The following SPOCK1 variants were observed in gnomAD, a reference collection of about 807,000 sequenced individuals.
SPOCK1 encodes SPARC (osteonectin), cwcv and kazal like domains proteoglycan 1.
SPOCK1 carries 23 observed loss-of-function variants against 55.3 expected under a neutral mutation model. The ratio of observed to expected loss-of-function variants is 0.42; its 90% CI spans 0.30 to 0.59. SPOCK1 has a LOEUF of 0.59. SPOCK1 is among the 20% of genes least tolerant of loss of function. SPOCK1 has a pLI of 0.22. For missense variants in SPOCK1, 499 were observed against 552.5 expected, an observed-to-expected ratio of 0.90 and a Z score of 0.97; for synonymous variants, 226 against 221.0, an observed-to-expected ratio of 1.02 and a Z score of -0.20.
rs181850634 is a variant in SPOCK1, at chr5:137,382,598, A to G, written c.187-115543T>C. 1.1e-4 allele frequency among the ~76,000 whole-genome samples: 17 copies of G among 152,292 alleles called. No homozygotes were observed. In the East Asian group the frequency reaches 2.7e-3, roughly 24 times the overall value. On this transcript the variant is annotated intron_variant, in intron 2 of 10. Transcript: ENST00000394945. ...GGCAGAAGGTGAAGGGGAAGCAAGG[A>G]CCTTCTTCACATGGTAGCAGGAGAG...
rs1416811950 is a variant in SPOCK1, at chr5:136,978,702, A to T, written c.1272T>A (p.Asp424Glu). 1.9e-6 allele frequency: 3 copies of T among 1,613,702 alleles called. No individual in the cohort carries two copies. Among genetic ancestry groups the T allele is most frequent in the East Asian group, 2.2e-5 (1 of 44,858 alleles). ...CCTCTTTGTCATCATCCTCATCCTC[A>T]TCATCCTCTGTCACGGCTCGGGTGT... Reference protein sequence around the residue: ...RVHTRAVTEDDEDEDDDKEDE... With the variant: ...RVHTRAVTEDEEDEDDDKEDE... Residue 424 changes from aspartate to glutamate, a missense_variant, in exon 11 of 11, where the codon GAT (aspartate) becomes GAA (glutamate). Asp to Glu is a conservative substitution (Grantham distance 45). Coordinates refer to ENST00000394945, the MANE Select transcript of SPOCK1 (RefSeq NM_004598.4).
intron 3 of SPOCK1, among the ~76,000 whole-genome samples, chr5:137,198,385 C>T (rs1325689560): frequency 2.6e-5 from 4 of 152,284 alleles, no homozygotes; most frequent in South Asian, 2.1e-4. Flanking sequence ...TAACTGCTTT[C>T]CAGAATTTAT....
intron 3 of SPOCK1, among the ~76,000 whole-genome samples, chr5:137,242,903 C>T (rs1041580016): frequency 6.6e-6 from 1 of 152,246 alleles, no homozygotes; most frequent in African/African-American, 2.4e-5. Flanking sequence ...TATACAAATG[C>T]TAACTAATGT....
intron 2 of SPOCK1, among the ~76,000 whole-genome samples, chr5:137,427,217 C>T (rs958138815): frequency 6.6e-6 from 1 of 152,180 alleles, no homozygotes; most frequent in African/African-American, 2.4e-5. Context: ...CACTGAGGTG[C>T]TGGGATTTCT....
chr5:137,301,221 T>C (rs1196391694), intron 2 of SPOCK1, among the ~76,000 whole-genome samples: 1 of 152,214 alleles, frequency 6.6e-6, no homozygotes, highest in African/African-American at 2.4e-5. Context: ...GGAATGCCTC[T>C]GCTATACTCA....
intron 6 of SPOCK1, among the ~76,000 whole-genome samples, chr5:137,042,827 T>C (rs1458819184): frequency 6.6e-6 from 1 of 152,086 alleles, no homozygotes; most frequent in African/African-American, 2.4e-5. Context: ...ACATATAGAA[T>C]AATTTATAAA....
At chr5:137,366,945 T>G (rs1751084496) in intron 2 of SPOCK1, among the ~76,000 whole-genome samples, 1 of 152,204 alleles carries the variant, frequency 6.6e-6, no homozygotes, top group African/African-American at 2.4e-5. Flanking sequence ...GTTGCAATTT[T>G]TAAATACAAG....
intron 2 of SPOCK1, among the ~76,000 whole-genome samples, chr5:137,424,608 G>C (rs1752569286): frequency 6.6e-6 from 1 of 152,140 alleles, no homozygotes; most frequent in Non-Finnish European, 1.5e-5. Flanking sequence ...AAACAATCCA[G>C]ATGGCCATCA....
chr5:137,224,999 C>T (rs755239322), intron 3 of SPOCK1, among the ~76,000 whole-genome samples: 1 of 152,100 alleles, frequency 6.6e-6, no homozygotes, highest in Non-Finnish European at 1.5e-5. Context: ...TCTAAAGTTA[C>T]TCTTGGAGAG....
chr5:137,150,730 A>T (rs1391686301), intron 3 of SPOCK1, among the ~76,000 whole-genome samples: 1 of 152,100 alleles, frequency 6.6e-6, no homozygotes, highest in Non-Finnish European at 1.5e-5. Flanking sequence ...CAGCCCATGA[A>T]TGTCTTCTGC....
chr5:137,286,586 C>T (rs1218957779), intron 2 of SPOCK1, among the ~76,000 whole-genome samples: 1 of 152,104 alleles, frequency 6.6e-6, no homozygotes, highest in Non-Finnish European at 1.5e-5. Context: ...AGTGTACCTC[C>T]CAGGGAGGCA....
chr5:137,238,186 C>A (rs1756216949), intron 3 of SPOCK1, among the ~76,000 whole-genome samples: 1 of 152,194 alleles, frequency 6.6e-6, no homozygotes, highest in African/African-American at 2.4e-5. Context: ...TTACACTAAA[C>A]AATTACTTCA....
At chr5:137,108,841 C>A (rs1305345682) in intron 5 of SPOCK1, among the ~76,000 whole-genome samples, 1 of 152,152 alleles carries the variant, frequency 6.6e-6, no homozygotes, top group Non-Finnish European at 1.5e-5. Context: ...AAAGGGGTCT[C>A]CCCAATCCTT....
At chr5:137,275,916 C>T (rs1757057750) in intron 2 of SPOCK1, among the ~76,000 whole-genome samples, 1 of 152,212 alleles carries the variant, frequency 6.6e-6, no homozygotes, top group Admixed American at 6.5e-5. Flanking sequence ...TGCCTTGGGT[C>T]AGGCCTCCAC....
At chr5:137,264,827 A>T (rs901527707) in intron 3 of SPOCK1, among the ~76,000 whole-genome samples, 1 of 152,150 alleles carries the variant, frequency 6.6e-6, no homozygotes, top group Non-Finnish European at 1.5e-5. Context: ...AATTGATGAC[A>T]TCTGCTGGGG....
rs768870528 is a variant in SPOCK1 at position 136,985,207 on chromosome 5, A to G, written c.929-5T>C. 4.0e-5 allele frequency: 64 copies of G among 1,613,968 alleles called. No homozygotes were observed. Among genetic ancestry groups the G allele is most frequent in the Admixed American group, 3.5e-4 (21 of 60,004 alleles). ...TTTCATTCTGGCAAGGGAGACCTAAAAAATAATTTCTGAAAGTCAGCTTCC... is the reference window on the plus strand; with the variant it reads ...TTTCATTCTGGCAAGGGAGACCTAAGAAATAATTTCTGAAAGTCAGCTTCC... On this transcript the variant is annotated splice_polypyrimidine_tract_variant and splice_region_variant and intron_variant, in intron 8 of 10. Transcript: ENST00000394945.
At chr5:137,261,299 A>C (rs1329879110) in intron 3 of SPOCK1, among the ~76,000 whole-genome samples, 1 of 152,208 alleles carries the variant, frequency 6.6e-6, no homozygotes, top group Non-Finnish European at 1.5e-5. Context: ...TTTAGAAATA[A>C]GCAATCTTGA....
chr5:137,254,349 C>A (rs889569675), intron 3 of SPOCK1, among the ~76,000 whole-genome samples: 2 of 152,088 alleles, frequency 1.3e-5, no homozygotes, highest in African/African-American at 4.8e-5. Context: ...CCTGTATGTA[C>A]GCACTGTGGT....
intron 3 of SPOCK1, among the ~76,000 whole-genome samples, chr5:137,198,938 T>C (rs1215929264): frequency 1.3e-5 from 2 of 152,228 alleles, no homozygotes; most frequent in Non-Finnish European, 2.9e-5. Flanking sequence ...TTGCAAAATC[T>C]ACCTTAAAGT....
Sources: gnomAD v4.1 joint callset for allele counts (sites outside exome capture counted in the v4.1 genomes callset) on GRCh38, gnomAD v4.1.1 for gene constraint, MANE v1.5 for transcripts, NCBI Gene and HGNC (gene_info 2026-07-23, HGNC 2026-07-21) for gene names.